The following LCLAT1 variants were observed in gnomAD, a reference collection of about 807,000 sequenced individuals.
LCLAT1 encodes 1-AGP acyltransferase 8.
A neutral mutation model predicts 30.7 loss-of-function variants in LCLAT1; 11 were observed. The observed-to-expected ratio is 0.36, with a 90% CI of 0.23 to 0.59. The LOEUF (loss-of-function observed/expected upper bound fraction) is 0.59. LCLAT1 is among the 20% of genes least tolerant of loss of function. The pLI is 0.77. For synonymous variants in LCLAT1, 155 were observed against 151.3 expected, an observed-to-expected ratio of 1.02 and a Z score of -0.18; for missense variants, 402 against 458.6, an observed-to-expected ratio of 0.88 and a Z score of 1.13.
intron 5 of LCLAT1, among the ~76,000 whole-genome samples, chr2:30,569,379 A>C (rs895450641): frequency 6.6e-6 from 1 of 152,234 alleles, no homozygotes; most frequent in Non-Finnish European, 1.5e-5. Flanking sequence ...AAGAAAAGGT[A>C]ACTATTCGGA....
chr2:30,534,219 C>CTGTGTGTGTGTG (rs57380693), intron 3 of LCLAT1, among the ~76,000 whole-genome samples: 9 of 130,504 alleles, frequency 6.9e-5, no homozygotes, highest in East Asian at 2.3e-4. Flanking sequence ...AGTTGATTTA[C>CTGTGTGTGTGTG]TGTGTGTGTG....
At chr2:30,495,215 G>A (rs1684048491) in intron 1 of LCLAT1, among the ~76,000 whole-genome samples, 3 of 151,874 alleles carry the variant, frequency 2.0e-5, no homozygotes, top group Non-Finnish European at 4.4e-5. Flanking sequence ...TTTTGTTCTT[G>A]CCCACAAATC....
At position 30,640,825 on chromosome 2, in the gene LCLAT1, A is replaced by G. The variant is rs1356963748; in HGVS notation, c.*206A>G. On this transcript the variant is annotated 3_prime_UTR_variant, in exon 6 of 6. Coordinates refer to ENST00000379509, the MANE Select transcript of LCLAT1 (RefSeq NM_001002257.3). ...TGAATGTAATTTCGATACTGTGTAC[A>G]TAGCAGGGAGTGATCGGGGTGAAAT... 3.3e-5 allele frequency: 19 copies of G among 572,222 alleles called. No homozygotes were observed. The highest frequency in any genetic ancestry group is 1.9e-5 in the African/African-American group (1 of 52,716). The allele number at this position is 572,222 out of a possible 1,614,324, so 35.4% of individuals were successfully genotyped here.
chr2:30,484,845 T>C (rs1009787083), intron 1 of LCLAT1, among the ~76,000 whole-genome samples: 6 of 152,200 alleles, frequency 3.9e-5, no homozygotes, highest in African/African-American at 1.4e-4. Context: ...TGTTTTAAAT[T>C]GAATTTCAGT....
intron 2 of LCLAT1, 56 bp from the exon 3 acceptor site, chr2:30,533,059 AT>A: frequency 8.0e-7 from 1 of 1,246,526 alleles, no homozygotes; most frequent in Admixed American, 1.7e-5. Context: ...GCATGATAAA[AT>A]TTACCTATGG....
intron 5 of LCLAT1, among the ~76,000 whole-genome samples, chr2:30,631,211 ATGTGGTTTTCT>A (rs1338393163): frequency 2.0e-5 from 3 of 152,106 alleles, no homozygotes; most frequent in Non-Finnish European, 4.4e-5. Context: ...TGTCAGCTGT[ATGTGGTTTTCT>A]TGTGGCTTTC....
At chr2:30,581,977 A>G (rs1045242450) in intron 5 of LCLAT1, among the ~76,000 whole-genome samples, 1 of 152,238 alleles carries the variant, frequency 6.6e-6, no homozygotes. Flanking sequence ...ATCATTACAC[A>G]TTGCATACAT....
intron 1 of LCLAT1, among the ~76,000 whole-genome samples, chr2:30,513,734 T>C (rs1685047608): frequency 6.6e-6 from 1 of 152,172 alleles, no homozygotes; most frequent in Non-Finnish European, 1.5e-5. Flanking sequence ...TAAATACATA[T>C]CTGCTTGCCT....
chr2:30,635,810 A>G (rs1442358150), intron 5 of LCLAT1, among the ~76,000 whole-genome samples: 1 of 152,194 alleles, frequency 6.6e-6, no homozygotes, highest in African/African-American at 2.4e-5. Context: ...TGTTAACACA[A>G]CTCAATCGAG....
At chr2:30,459,638 TG>T in intron 1 of LCLAT1, 1 of 1,613,934 alleles carries the variant, frequency 6.2e-7, no homozygotes, top group Non-Finnish European at 8.5e-7. Context: ...AGGGAAATTG[TG>T]GTGCTTCTGA....
At chr2:30,504,542 G>T (rs1684564565) in intron 1 of LCLAT1, among the ~76,000 whole-genome samples, 1 of 151,962 alleles carries the variant, frequency 6.6e-6, no homozygotes, top group Middle Eastern at 3.2e-3. Flanking sequence ...TTTACTTTGG[G>T]CTTAATGTAT....
At chr2:30,466,976 C>T (rs1215591523) in intron 1 of LCLAT1, among the ~76,000 whole-genome samples, 1 of 152,120 alleles carries the variant, frequency 6.6e-6, no homozygotes, top group Non-Finnish European at 1.5e-5. Flanking sequence ...TTCTAGGGTG[C>T]ATGTGCACAA....
intron 5 of LCLAT1, among the ~76,000 whole-genome samples, chr2:30,604,722 G>A (rs1338054489): frequency 9.3e-5 from 14 of 150,442 alleles, no homozygotes; most frequent in Non-Finnish European, 2.1e-4. Flanking sequence ...TACAAACACA[G>A]GTGGAATGGG....
intron 3 of LCLAT1, among the ~76,000 whole-genome samples, chr2:30,542,436 A>G (rs910443197): frequency 6.6e-6 from 1 of 152,124 alleles, no homozygotes; most frequent in Admixed American, 6.5e-5. Flanking sequence ...TCTACCCACT[A>G]TCCACTCAAC....
At chr2:30,528,446 A>G (rs1276874746) in intron 2 of LCLAT1, among the ~76,000 whole-genome samples, 1 of 152,154 alleles carries the variant, frequency 6.6e-6, no homozygotes, top group Non-Finnish European at 1.5e-5. Context: ...AAGAGAATGA[A>G]TTTTTTTCTG....
At chr2:30,587,992 T>G (rs1666517202) in intron 5 of LCLAT1, among the ~76,000 whole-genome samples, 3 of 152,332 alleles carry the variant, frequency 2.0e-5, no homozygotes, top group Admixed American at 2.0e-4. Flanking sequence ...CTGCCAAACT[T>G]CAGCATCTCT....
chr2:30,505,232 T>C (rs966843325), intron 1 of LCLAT1, among the ~76,000 whole-genome samples: 1 of 152,196 alleles, frequency 6.6e-6, no homozygotes, highest in African/African-American at 2.4e-5. Context: ...TACCTACTTA[T>C]CAGTTTGCCC....
intron 3 of LCLAT1, among the ~76,000 whole-genome samples, chr2:30,556,712 A>T (rs909433698): frequency 1.3e-5 from 2 of 151,796 alleles, no homozygotes; most frequent in African/African-American, 4.8e-5. Flanking sequence ...CCACAATAAG[A>T]TAAGAACAGA....
chr2:30,571,317 A>C (rs2148454387), intron 5 of LCLAT1, among the ~76,000 whole-genome samples: 1 of 152,298 alleles, frequency 6.6e-6, no homozygotes, highest in East Asian at 1.9e-4. Flanking sequence ...TTGCTGACTT[A>C]ACATGCAGGT....
Sources: gnomAD v4.1 joint callset for allele counts (sites outside exome capture counted in the v4.1 genomes callset) on GRCh38, gnomAD v4.1.1 for gene constraint, MANE v1.5 for transcripts, NCBI Gene and HGNC (gene_info 2026-07-23, HGNC 2026-07-21) for gene names.